Variants in CHN2 observed in about 807,000 individuals in gnomAD.
CHN2 encodes beta-chimaerin.
CHN2 carries 35 observed loss-of-function variants against 56.3 expected under a neutral mutation model. That is an observed-to-expected ratio of 0.62 (90% CI 0.47 to 0.82). CHN2 has a LOEUF of 0.82. Ranked by LOEUF, CHN2 falls within the 40% of genes least tolerant of loss-of-function variation. The pLI, the probability that CHN2 is intolerant of heterozygous loss-of-function variation, is 0.00. For synonymous variants in CHN2, 210 were observed against 212.8 expected, an observed-to-expected ratio of 0.99 and a Z score of 0.12; for missense variants, 491 against 580.5, an observed-to-expected ratio of 0.85 and a Z score of 1.58.
At chr7:29,412,875 G>C (rs976856023) in intron 6 of CHN2, among the ~76,000 whole-genome samples, 3 of 120,422 alleles carry the variant, frequency 2.5e-5, no homozygotes, top group Admixed American at 1.1e-4. Flanking sequence ...TTAAAGGCTT[G>C]GCCTATAAGA....
chr7:29,488,776 G>A (rs1788328522), intron 7 of CHN2, among the ~76,000 whole-genome samples: 1 of 151,970 alleles, frequency 6.6e-6, no homozygotes, highest in Non-Finnish European at 1.5e-5. Flanking sequence ...GCATTTAGTG[G>A]GTGGAGGCCA....
At chr7:29,312,190 A>G (rs533509382) in intron 1 of CHN2, among the ~76,000 whole-genome samples, 2 of 151,100 alleles carry the variant, frequency 1.3e-5, no homozygotes, top group Middle Eastern at 6.8e-3. Flanking sequence ...ATGGCATTAC[A>G]TTTCTCATTT....
At chr7:29,394,356 C>T (rs1055978013) in intron 4 of CHN2, among the ~76,000 whole-genome samples, 4 of 152,324 alleles carry the variant, frequency 2.6e-5, no homozygotes, top group African/African-American at 9.6e-5. Flanking sequence ...GCAGGCAGAA[C>T]GGGCCAGGGG....
At chr7:29,316,357 T>C (rs144366777) in intron 1 of CHN2, among the ~76,000 whole-genome samples, 74 of 152,352 alleles carry the variant, frequency 4.9e-4, no homozygotes, top group Middle Eastern at 3.4e-3. Flanking sequence ...ATCATTTTCT[T>C]TTATAATTTC....
chr7:29,366,693 T>G (rs1046176463), intron 2 of CHN2, among the ~76,000 whole-genome samples: 6 of 152,216 alleles, frequency 3.9e-5, no homozygotes, highest in Non-Finnish European at 8.8e-5. Context: ...TACAGTCATC[T>G]TTAGGTGACA....
chr7:29,341,116 C>T (rs935007203), intron 1 of CHN2, among the ~76,000 whole-genome samples: 2 of 152,174 alleles, frequency 1.3e-5, no homozygotes, highest in African/African-American at 2.4e-5. Flanking sequence ...GGAGCTGGGG[C>T]AAGAAACCCA....
chr7:29,427,377 C>T (rs1804969056), intron 6 of CHN2, among the ~76,000 whole-genome samples: 1 of 152,040 alleles, frequency 6.6e-6, no homozygotes, highest in African/African-American at 2.4e-5. Flanking sequence ...GTCTTTAGGT[C>T]GACTAATTAC....
chr7:29,163,346 A>G (rs1216671538), intron 2 of CHN2, among the ~76,000 whole-genome samples: 4 of 152,126 alleles, frequency 2.6e-5, no homozygotes, highest in Admixed American at 6.5e-5. Context: ...ATATTGAATT[A>G]AGTAAAATAT....
chr7:29,324,440 G>C (rs1161896834), intron 1 of CHN2, among the ~76,000 whole-genome samples: 1 of 152,122 alleles, frequency 6.6e-6, no homozygotes, highest in Non-Finnish European at 1.5e-5. Flanking sequence ...GAATAATTTA[G>C]GGAAAGGCAA....
At chr7:29,213,452 C>T (rs1785111017) in intron 1 of CHN2, among the ~76,000 whole-genome samples, 1 of 152,078 alleles carries the variant, frequency 6.6e-6, no homozygotes, top group Non-Finnish European at 1.5e-5. Flanking sequence ...ATAACCTTGG[C>T]TACTAAGGAC....
intron 1 of CHN2, among the ~76,000 whole-genome samples, chr7:29,273,365 A>ATATATATATATGTG (rs1790882098): frequency 3.8e-5 from 2 of 52,126 alleles, no homozygotes; most frequent in African/African-American, 1.6e-4. Flanking sequence ...ATATATATAT[A>ATATATATATATGTG]TATATATATA....
chr7:29,211,376 C>T (rs1784939725), intron 1 of CHN2, among the ~76,000 whole-genome samples: 2 of 151,776 alleles, frequency 1.3e-5, no homozygotes, highest in African/African-American at 4.8e-5. Flanking sequence ...CCGCGCCCGG[C>T]CCTGACTGAG....
At chr7:29,365,210 A>G (rs756048212) in intron 2 of CHN2, among the ~76,000 whole-genome samples, 2 of 152,222 alleles carry the variant, frequency 1.3e-5, no homozygotes, top group Non-Finnish European at 2.9e-5. Context: ...TTACTGTACT[A>G]TTTCATAAAA....
intron 2 of CHN2, among the ~76,000 whole-genome samples, chr7:29,183,125 C>T (rs1173514370): frequency 1.4e-5 from 2 of 145,854 alleles, no homozygotes; most frequent in Non-Finnish European, 3.0e-5. Context: ...GCTTTTGTTG[C>T]CTAGGCTGGA....
chr7:29,331,136 C>T (rs1004214857), intron 1 of CHN2, among the ~76,000 whole-genome samples: 2 of 152,208 alleles, frequency 1.3e-5, no homozygotes, highest in African/African-American at 4.8e-5. Context: ...CTTAGTCATA[C>T]TCAGGTCTTG....
chr7:29,310,535 A>G (rs1794522578), intron 1 of CHN2, among the ~76,000 whole-genome samples: 1 of 152,248 alleles, frequency 6.6e-6, no homozygotes, highest in Admixed American at 6.5e-5. Flanking sequence ...TTCTGTATTT[A>G]ATACATATTT....
At chr7:29,191,375 A>G (rs1248215041), upstream of CHN2, among the ~76,000 whole-genome samples, 1 of 152,232 alleles carries the variant, frequency 6.6e-6, no homozygotes, top group Non-Finnish European at 1.5e-5. Flanking sequence ...CTTGGGAATC[A>G]GGGAAAACTT....
intron 1 of CHN2, among the ~76,000 whole-genome samples, chr7:29,288,316 T>C (rs990940171): frequency 6.6e-6 from 1 of 152,202 alleles, no homozygotes; most frequent in African/African-American, 2.4e-5. Context: ...TTATTAATTT[T>C]GAAGTGTGTA....
intron 1 of CHN2, among the ~76,000 whole-genome samples, chr7:29,218,305 A>G (rs1365311530): frequency 6.6e-6 from 1 of 152,108 alleles, no homozygotes; most frequent in Non-Finnish European, 1.5e-5. Context: ...GAGTGGTGGA[A>G]TCATACAATA....
Sources: allele counts gnomAD v4.1 joint callset (sites outside exome capture counted in the v4.1 genomes callset), GRCh38; gene constraint gnomAD v4.1.1; transcripts MANE v1.5; gene names NCBI Gene and HGNC (gene_info 2026-07-23, HGNC 2026-07-21).